SLC9A2: variants seen among roughly 807,000 people sequenced by gnomAD.
SLC9A2 encodes solute carrier family 9 member A2.
In SLC9A2, 42 loss-of-function variants were observed where a neutral mutation model predicts 71.7. That is an observed-to-expected ratio of 0.59 (90% CI 0.46 to 0.76). The LOEUF (loss-of-function observed/expected upper bound fraction) is 0.76, where lower values mean the gene tolerates loss of function less well. Ranked by LOEUF, SLC9A2 falls within the 30% of genes least tolerant of loss-of-function variation. SLC9A2 has a pLI of 0.00. For synonymous variants in SLC9A2, 396 were observed against 392.5 expected (o/e 1.01, Z -0.10); for missense variants, 829 against 1,017.4 (o/e 0.81, Z 2.52).
chr2:102,690,554 A>C (rs1677639503), intron 5 of SLC9A2, among the ~76,000 whole-genome samples: 1 of 152,132 alleles, frequency 6.6e-6, no homozygotes, highest in African/African-American at 2.4e-5. Context: ...GAGAGGGGGA[A>C]ACCCTGATCA....
chr2:102,663,683 C>T (rs1213596952), intron 2 of SLC9A2, among the ~76,000 whole-genome samples: 2 of 152,190 alleles, frequency 1.3e-5, no homozygotes, highest in African/African-American at 4.8e-5. Context: ...TTTTGAGTTT[C>T]TCAGAACCCA....
intron 1 of SLC9A2, among the ~76,000 whole-genome samples, chr2:102,648,333 G>C (rs4608543): frequency 0.029 from 4,339 of 152,156 alleles, 216 homozygotes; most frequent in African/African-American, 0.1. Flanking sequence ...GGTATTGATG[G>C]AACATATTTC....
At chr2:102,687,383 G>T (rs1677567874) in intron 5 of SLC9A2, among the ~76,000 whole-genome samples, 2 of 152,074 alleles carry the variant, frequency 1.3e-5, no homozygotes, top group African/African-American at 4.8e-5. Context: ...AATAATTAAG[G>T]AATTCAGTGA....
chr2:102,671,197 G>T (rs1445529958), intron 3 of SLC9A2, among the ~76,000 whole-genome samples: 2 of 151,914 alleles, frequency 1.3e-5, no homozygotes. Context: ...TAGATCTCTG[G>T]CTCCTTGTTT....
intron 5 of SLC9A2, among the ~76,000 whole-genome samples, chr2:102,688,885 T>A (rs1677607510): frequency 6.6e-6 from 1 of 152,216 alleles, no homozygotes; most frequent in Non-Finnish European, 1.5e-5. Context: ...ATCTCAAGAA[T>A]TCTGTAAACG....
intron 1 of SLC9A2, among the ~76,000 whole-genome samples, chr2:102,650,747 C>T (rs1676816093): frequency 6.6e-6 from 1 of 152,118 alleles, no homozygotes; most frequent in African/African-American, 2.4e-5. Flanking sequence ...ACTATTTCAT[C>T]CCTGAGATAC....
intron 1 of SLC9A2, among the ~76,000 whole-genome samples, chr2:102,657,223 T>A (rs898993820): frequency 7.9e-5 from 12 of 151,734 alleles, no homozygotes; most frequent in African/African-American, 2.9e-4. Flanking sequence ...AAAATAATAA[T>A]AATAATAATA....
At chr2:102,646,556 C>T (rs1013535967) in intron 1 of SLC9A2, among the ~76,000 whole-genome samples, 3 of 151,816 alleles carry the variant, frequency 2.0e-5, no homozygotes, top group Non-Finnish European at 2.9e-5. Context: ...TTCAGGAGAC[C>T]CATCTGATGT....
intron 5 of SLC9A2, among the ~76,000 whole-genome samples, chr2:102,690,232 G>A (rs1294476333): frequency 4.6e-5 from 7 of 152,098 alleles, no homozygotes; most frequent in African/African-American, 1.7e-4. Flanking sequence ...GAGAGAAGAG[G>A]CCTCTAGCAA....
intron 1 of SLC9A2, among the ~76,000 whole-genome samples, chr2:102,629,320 T>C (rs2104498722): frequency 6.6e-6 from 1 of 152,286 alleles, no homozygotes; most frequent in South Asian, 2.1e-4. Context: ...GCTCAAAGTG[T>C]ATTTTTTCAT....
chr2:102,663,056 T>C (rs1026492206), intron 2 of SLC9A2, among the ~76,000 whole-genome samples: 1 of 152,134 alleles, frequency 6.6e-6, no homozygotes, highest in Admixed American at 6.5e-5. Context: ...GGGGTATATA[T>C]AGCACATCTG....
chr2:102,670,449 T>C lies in SLC9A2; in HGVS notation c.1004+5099T>C, dbSNP rs182686467. Among the ~76,000 whole-genome samples, 746 of 152,072 alleles carry C rather than the reference T, an allele frequency of 4.9e-3. 5 individuals are homozygous for C. The highest frequency in any genetic ancestry group is 0.017 in the African/African-American group (697 of 41,476). On this transcript the variant is annotated intron_variant, in intron 3 of 11. Transcript: ENST00000233969. ...GCATTATTGCAAAGAAAGTAGAAAA[T>C]GGTGATTAGTTTCATTCTTATGAAT...
intron 1 of SLC9A2, 132 bp downstream of exon 1, chr2:102,620,269 A>G: frequency 1.4e-6 from 1 of 715,058 alleles, no homozygotes; most frequent in Non-Finnish European, 2.2e-6. Flanking sequence ...CGACAGATGG[A>G]GCAGCTTCTT....
At position 102,665,347 on chromosome 2, in the gene SLC9A2, T is replaced by C; in HGVS notation, c.1001T>C (p.Met334Thr). ...TAEMFHLSGIMAITACAMTMN... is the reference protein window; with the variant it reads ...TAEMFHLSGITAITACAMTMN... ...GAAATGTTTCACCTCTCAGGCATCA[T>C]GGCGTAAGTACTTCTTTGTTAAAAG... Residue 334 changes from methionine (M) to threonine (T), a missense_variant, in exon 3 of 12, where the codon ATG becomes ACG. Met to Thr is a moderately conservative substitution (Grantham distance 81, BLOSUM62 -1). Around this residue, in one of 3 missense-constraint regions of SLC9A2, gnomAD observed 500 missense variants for 726.3 expected, o/e 0.69. Transcript: ENST00000233969. The C allele has an allele frequency of 1.2e-6, 2 of 1,610,828 alleles. No individual in the cohort carries two copies. Among genetic ancestry groups the C allele is most frequent in the South Asian group, 1.1e-5 (1 of 90,918 alleles).
chr2:102,666,355 C>A (rs188129671), intron 3 of SLC9A2, among the ~76,000 whole-genome samples: 1,632 of 152,110 alleles, frequency 0.011, 28 homozygotes, highest in African/African-American at 0.038. Context: ...GCCACCACAC[C>A]GGGCTAATTT....
rs1360151658 is a variant in SLC9A2 at position 102,708,910 on chromosome 2, A to G, written c.*421A>G. 1 of 168,900 alleles carries G rather than the reference A, an allele frequency of 5.9e-6. No homozygotes were observed. The highest frequency in any genetic ancestry group is 2.4e-5 in the African/African-American group (1 of 41,576). The allele number at this position is 168,900 out of a possible 1,614,324, so 10.5% of individuals were successfully genotyped here. A position where few individuals can be genotyped will look rare whatever the true frequency, so the allele number is the denominator to read the frequency against. ...AGTGAATGGCACTAAAAGTATCGAG[A>G]ACAGCTTTCTTTCCCAGGGGTGAAG... On this transcript the variant is annotated 3_prime_UTR_variant, in exon 12 of 12. Coordinates refer to ENST00000233969, the MANE Select transcript of SLC9A2 (RefSeq NM_003048.6).
intron 5 of SLC9A2, among the ~76,000 whole-genome samples, chr2:102,690,803 T>G (rs987467844): frequency 6.6e-6 from 1 of 152,180 alleles, no homozygotes; most frequent in Non-Finnish European, 1.5e-5. Flanking sequence ...TAAGACAGCA[T>G]AGCAGCGATA....
chr2:102,695,347 G>C (rs970966164), intron 7 of SLC9A2, among the ~76,000 whole-genome samples: 6 of 152,140 alleles, frequency 3.9e-5, no homozygotes, highest in Non-Finnish European at 8.8e-5. Context: ...AGGTTTAACA[G>C]ATGAGGTTTA....
chr2:102,665,903 C>T (rs1677127769), intron 3 of SLC9A2, among the ~76,000 whole-genome samples: 1 of 148,488 alleles, frequency 6.7e-6, no homozygotes, highest in African/African-American at 2.5e-5. Flanking sequence ...AAACATTCTT[C>T]TGGGTCTCAT....
Sources: gnomAD v4.1 joint callset for allele counts (sites outside exome capture counted in the v4.1 genomes callset) on GRCh38, gnomAD v4.1.1 for gene constraint, gnomAD v4.1.1 regional missense constraint, MANE v1.5 for transcripts, NCBI Gene and HGNC (gene_info 2026-07-23, HGNC 2026-07-21) for gene names.